SYT17: variants seen among roughly 807,000 people sequenced by gnomAD.
The protein encoded by SYT17 is synaptotagmin 17, also known as synaptotagmin-17.
Under a neutral mutation model 46.7 loss-of-function variants are expected in SYT17, and 22 were observed. That is an observed-to-expected ratio of 0.47 (90% CI 0.34 to 0.67). SYT17 has a LOEUF of 0.67. Among genes scored for constraint, SYT17 ranks in the 30% least tolerant of loss-of-function variants. The pLI, the probability that SYT17 is intolerant of heterozygous loss-of-function variation, is 0.01. For synonymous variants in SYT17, 251 were observed against 248.4 expected (o/e 1.01, Z -0.10); for missense variants, 519 against 612.8 (o/e 0.85, Z 1.62).
chr16:19,233,655 C>G (rs950717897), intron 7 of SYT17, among the ~76,000 whole-genome samples: 3 of 151,614 alleles, frequency 2.0e-5, no homozygotes, highest in Non-Finnish European at 4.4e-5. Context: ...CACTCTGTCT[C>G]AAAAAATAAA....
intron 7 of SYT17, among the ~76,000 whole-genome samples, chr16:19,264,237 C>T (rs1277489804): frequency 6.6e-6 from 1 of 152,202 alleles, no homozygotes; most frequent in African/African-American, 2.4e-5. Flanking sequence ...CATTTTGTTA[C>T]AGCGGCCTGA....
chr16:19,211,682 G>T (rs1422992027), intron 5 of SYT17, among the ~76,000 whole-genome samples: 1 of 151,532 alleles, frequency 6.6e-6, no homozygotes, highest in African/African-American at 2.4e-5. Flanking sequence ...GTGCAGTGGC[G>T]GGATCTCAGC....
chr16:19,229,884 GA>G (rs1483745223), intron 7 of SYT17, among the ~76,000 whole-genome samples: 1 of 152,222 alleles, frequency 6.6e-6, no homozygotes, highest in Non-Finnish European at 1.5e-5. Flanking sequence ...TCTTGAGTAG[GA>G]AGGAAATTCT....
At chr16:19,196,638 C>A (rs1965258368) in intron 5 of SYT17, among the ~76,000 whole-genome samples, 3 of 152,096 alleles carry the variant, frequency 2.0e-5, no homozygotes. Context: ...CCCATATACA[C>A]CCTGCCTCCA....
At chr16:19,175,822 A>G (rs1964293374) in intron 3 of SYT17, among the ~76,000 whole-genome samples, 2 of 152,174 alleles carry the variant, frequency 1.3e-5, no homozygotes, top group African/African-American at 2.4e-5. Flanking sequence ...CTGCAGGCAG[A>G]ACTTGCATCC....
At chr16:19,224,868 C>G (rs772933963) in intron 7 of SYT17, 30 bp downstream of exon 7, 101 of 1,611,386 alleles carry the variant, frequency 6.3e-5, no homozygotes, top group Non-Finnish European at 8.6e-5. Flanking sequence ...CCGATGAACT[C>G]CAGGTGAGGC....
At chr16:19,201,424 T>C (rs1965457714) in intron 5 of SYT17, among the ~76,000 whole-genome samples, 1 of 152,046 alleles carries the variant, frequency 6.6e-6, no homozygotes, top group South Asian at 2.1e-4. Context: ...GTTATCAGAA[T>C]CAATGACCAC....
chr16:19,228,630 G>A (rs978718451), intron 7 of SYT17, among the ~76,000 whole-genome samples: 3 of 152,050 alleles, frequency 2.0e-5, no homozygotes, highest in Non-Finnish European at 2.9e-5. Flanking sequence ...TCATTGTTCC[G>A]AACCACAGCT....
chr16:19,200,354 A>G (rs1050799823), intron 5 of SYT17, among the ~76,000 whole-genome samples: 5 of 152,266 alleles, frequency 3.3e-5, no homozygotes. Context: ...TATTTTATGG[A>G]ACCCGATACA....
rs562222324 is a variant in SYT17, at chr16:19,237,502, C to T, written c.1228+12664C>T. Reference sequence around the variant, plus strand: ...TGCCATGGCAACACCTGGAAGTTACCGTCCCTTTCCACGGCAATGACCCGA... The same window carrying T: ...TGCCATGGCAACACCTGGAAGTTACTGTCCCTTTCCACGGCAATGACCCGA... On this transcript the variant is annotated intron_variant, in intron 7 of 7. Transcript: ENST00000355377. Among the ~76,000 whole-genome samples the T allele has an allele frequency of 9.2e-5, 14 of 152,274 alleles. No homozygotes were observed. The East Asian group carries it at 2.1e-3, about 23-fold the overall frequency.
chr16:19,250,000 C>A lies in SYT17; in HGVS notation c.1229-16880C>A, dbSNP rs754274134. The A allele has an allele frequency of 2.1e-5, 33 of 1,535,648 alleles. No homozygotes were observed. The South Asian group carries it at 3.9e-4, about 18-fold the overall frequency. On this transcript the variant is annotated intron_variant, in intron 7 of 7. Coordinates refer to ENST00000355377, the MANE Select transcript of SYT17 (RefSeq NM_016524.4). ...TAGTCACCCAGCTCATGGTATCAGTCCTTGGATACCCTCACCTGGAAATGA... is the reference window on the plus strand; with the variant it reads ...TAGTCACCCAGCTCATGGTATCAGTACTTGGATACCCTCACCTGGAAATGA...
At chr16:19,172,637 T>C in intron 1 of SYT17, 123 bp from the exon 2 acceptor site, 1 of 1,219,852 alleles carries the variant, frequency 8.2e-7, no homozygotes, top group Non-Finnish European at 1.1e-6. Context: ...ATGCAGGGCT[T>C]TTTTTTTTTT....
rs185746399 is a variant in SYT17 at position 19,266,285 on chromosome 16, C to T, written c.1229-595C>T. On this transcript the variant is annotated intron_variant, in intron 7 of 7. Transcript: ENST00000355377. ...GGGATGCATTGGCCTCCGCAGGGGC[C>T]ATTTGGCCATGTCCGAAGACATTTG... Among the ~76,000 whole-genome samples the T allele has an allele frequency of 1.0e-3, 159 of 152,320 alleles. 1 individual carries two copies. Among genetic ancestry groups the T allele is most frequent in the Non-Finnish European group, 1.9e-3 (131 of 68,032 alleles).
chr16:19,183,672 C>A lies in SYT17; in HGVS notation c.476C>A (p.Pro159His). The A allele has an allele frequency of 2.5e-6, 4 of 1,614,180 alleles. No homozygotes were observed. Among genetic ancestry groups the A allele is most frequent in the Non-Finnish European group, 3.4e-6 (4 of 1,180,036 alleles). Reference sequence around the variant, plus strand: ...GACGACTATTTCAGGAAGTTCGAACCCCACCTGTACTCCCTCGACTCCAAC... The same window carrying A: ...GACGACTATTTCAGGAAGTTCGAACACCACCTGTACTCCCTCGACTCCAAC... ...NPDDYFRKFE[P>H]HLYSLDSNSD... is the part of the protein sequence containing the mutation. The change falls in exon 5 of 8, where the codon CCC becomes CAC. Residue 159 changes from proline (P) to histidine (H), a missense_variant. By Grantham distance (77) the Pro-to-His change is moderately conservative. Coordinates refer to ENST00000355377, the MANE Select transcript of SYT17 (RefSeq NM_016524.4). The surrounding 1 kb of genome is among the most constrained non-coding windows in gnomAD (Gnocchi z 5.6).
intron 5 of SYT17, among the ~76,000 whole-genome samples, chr16:19,188,008 G>T (rs1964851217): frequency 6.6e-6 from 1 of 152,068 alleles, no homozygotes; most frequent in Admixed American, 6.6e-5. Context: ...AATATAAATT[G>T]TTCTATTATA....
At chr16:19,234,025 A>G (rs2142921083) in intron 7 of SYT17, among the ~76,000 whole-genome samples, 1 of 152,252 alleles carries the variant, frequency 6.6e-6, no homozygotes, top group African/African-American at 2.4e-5. Flanking sequence ...GTTTGGTTCA[A>G]ATTTCACCTT....
intron 5 of SYT17, among the ~76,000 whole-genome samples, chr16:19,194,551 T>C (rs1033437073): frequency 2.6e-5 from 4 of 152,196 alleles, no homozygotes; most frequent in Non-Finnish European, 1.5e-5. Flanking sequence ...GCAGAGTAAA[T>C]ACCCCATAGA....
At chr16:19,263,876 G>A (rs1969173614) in intron 7 of SYT17, among the ~76,000 whole-genome samples, 1 of 152,160 alleles carries the variant, frequency 6.6e-6, no homozygotes, top group Admixed American at 6.5e-5. Flanking sequence ...GAGCCACATG[G>A]CCTCCAAATT....
At chr16:19,199,756 C>T (rs1965389835) in intron 5 of SYT17, among the ~76,000 whole-genome samples, 1 of 146,270 alleles carries the variant, frequency 6.8e-6, no homozygotes, top group African/African-American at 2.6e-5. Flanking sequence ...AACAAACAAA[C>T]AAAAAAGGAT....
Sources: allele counts gnomAD v4.1 joint callset (sites outside exome capture counted in the v4.1 genomes callset), GRCh38; gene constraint gnomAD v4.1.1; non-coding constraint Gnocchi (gnomAD v3.1); transcripts MANE v1.5; gene names NCBI Gene and HGNC (gene_info 2026-07-23, HGNC 2026-07-21).